Variants in MARS1 observed in about 807,000 individuals in gnomAD.
MARS1 encodes the protein methionyl-tRNA synthetase 1, also known as methionine--tRNA ligase, cytoplasmic.
Under a neutral mutation model 119.5 loss-of-function variants are expected in MARS1, and 80 were observed. The observed-to-expected ratio is 0.67, with a 90% CI of 0.56 to 0.81. The LOEUF (loss-of-function observed/expected upper bound fraction) is 0.81. Among genes scored for constraint, MARS1 ranks in the 30% least tolerant of loss-of-function variants. The pLI is 0.00. For synonymous variants in MARS1, 418 were observed against 433.4 expected (o/e 0.96, Z 0.44); for missense variants, 945 against 1,116.5 (o/e 0.85, Z 2.19).
intron 15 of MARS1, among the ~76,000 whole-genome samples, chr12:57,513,416 C>T (rs980990129): frequency 2.6e-5 from 4 of 151,762 alleles, no homozygotes; most frequent in African/African-American, 7.3e-5. Context: ...GCCGGGAGTT[C>T]AAGACTTGCC....
intron 7 of MARS1, among the ~76,000 whole-genome samples, chr12:57,495,149 G>A (rs1358523866): frequency 6.8e-6 from 1 of 146,660 alleles, no homozygotes; most frequent in Non-Finnish European, 1.5e-5. Context: ...CCCACCTCCC[G>A]GATGGGGTGG....
intron 7 of MARS1, among the ~76,000 whole-genome samples, chr12:57,494,042 G>A (rs1876446277): frequency 7.2e-6 from 1 of 139,606 alleles, no homozygotes; most frequent in Admixed American, 8.0e-5. Flanking sequence ...TGTAACCTCC[G>A]CCTCCCAGGT....
Position 57,514,754 on chromosome 12 carries a change from T to C in MARS1, c.2002T>C (p.Tyr668His), listed in dbSNP as rs760355231. ...GTTTGTGTCTAAGTTCTTTGGGGGC[T>C]ATGTGCCTGAGATGGTGCTCACCCC... ...GMFVSKFFGG[Y>H]VPEMVLTPDD... Residue 668 changes from tyrosine (Y) to histidine (H), a missense_variant, in exon 16 of 21, where the codon TAT becomes CAT. Physicochemically the swap from Tyr to His is moderately conservative, Grantham distance 83 (BLOSUM62 2). Coordinates refer to ENST00000262027, the MANE Select transcript of MARS1 (RefSeq NM_004990.4). The C allele has an allele frequency of 6.2e-7, 1 of 1,614,226 alleles. No homozygotes were observed. The highest frequency in any genetic ancestry group is 2.2e-5 in the East Asian group (1 of 44,888).
chr12:57,509,200 G>A (rs764743825), intron 11 of MARS1, among the ~76,000 whole-genome samples: 1 of 152,046 alleles, frequency 6.6e-6, no homozygotes, highest in Non-Finnish European at 1.5e-5. Flanking sequence ...CTCCCATCAT[G>A]TTTTAAACAC....
intron 10 of MARS1, among the ~76,000 whole-genome samples, chr12:57,502,484 ATCAC>A (rs1018734598): frequency 6.6e-6 from 1 of 152,044 alleles, no homozygotes; most frequent in Non-Finnish European, 1.5e-5. Context: ...AGGCGGCCGG[ATCAC>A]CTGAGGTCAG....
Position 57,491,928 on chromosome 12 carries a change from G to A in MARS1, c.770+1284G>A, listed in dbSNP as rs538803943. On this transcript the variant is annotated intron_variant, in intron 7 of 20. Transcript: ENST00000262027. ...GATCTCCGCTGTCATGGGACTTTCT[G>A]TCTGGTAGGATAGACAGGTATTTTA... 2.6e-5 allele frequency among the ~76,000 whole-genome samples: 4 copies of A among 152,312 alleles called. No homozygotes were observed. The East Asian group carries it at 7.7e-4, about 29-fold the overall frequency.
chr12:57,502,723 G>GA (rs1876981580), intron 10 of MARS1, among the ~76,000 whole-genome samples: 1 of 87,760 alleles, frequency 1.1e-5, no homozygotes, highest in Admixed American at 1.2e-4. Flanking sequence ...AAAAAAAAAA[G>GA]CAACAACAAC....
chr12:57,496,034 A>G (rs1876611121), intron 7 of MARS1, among the ~76,000 whole-genome samples: 1 of 152,026 alleles, frequency 6.6e-6, no homozygotes, highest in Non-Finnish European at 1.5e-5. Context: ...AGAGGGAGCA[A>G]TTTTTTGTAT....
chr12:57,488,333 A>G (rs563527011), intron 1 of MARS1, 134 bp downstream of exon 1: 4 of 827,840 alleles, frequency 4.8e-6, no homozygotes, highest in African/African-American at 3.4e-5. Context: ...ATTATCCTTG[A>G]TCACTCCACG....
At chr12:57,493,828 A>G (rs1319389420) in intron 7 of MARS1, among the ~76,000 whole-genome samples, 4 of 1,270 alleles carry the variant, frequency 3.1e-3, no homozygotes, top group African/African-American at 4.0e-3. Context: ...TATATATTAT[A>G]TTATATATTA....
chr12:57,495,782 C>G (rs1377451069), intron 7 of MARS1, among the ~76,000 whole-genome samples: 1 of 152,326 alleles, frequency 6.6e-6, no homozygotes, highest in Non-Finnish European at 1.5e-5. Context: ...GCAGATCACT[C>G]GCGGTCAGGA....
In MARS1 at chr12:57,488,868, C is replaced by A. The variant is rs768561219; in HGVS notation, c.110-151C>A. ...CTCTCCAGCCCATTCCGGACCACCC[C>A]CTTTCAGTGGTCCTATCCTGGAACT... On this transcript the variant is annotated intron_variant, in intron 1 of 20. Coordinates refer to ENST00000262027, the MANE Select transcript of MARS1 (RefSeq NM_004990.4). 488 of 768,890 alleles carry A rather than the reference C, an allele frequency of 6.3e-4. 6 individuals are homozygous for A. The highest frequency in any genetic ancestry group is 3.5e-3 in the Admixed American group (137 of 39,574). 47.6% of individuals were successfully genotyped at this position (768,890 alleles called of 1,614,324 possible). A position where few individuals can be genotyped will look rare whatever the true frequency, so the allele number is the denominator to read the frequency against.
In MARS1 at chr12:57,507,837, G is replaced by A. The variant is rs558543343; in HGVS notation, c.1368+3538G>A. On this transcript the variant is annotated intron_variant, in intron 11 of 20. Transcript: ENST00000262027. ...CTCCCTCCCGGACGGGGTGGCTGCC[G>A]GGCGGAGACGCTCCTCACTTCCCAG... Among the ~76,000 whole-genome samples the A allele has an allele frequency of 5.0e-3, 749 of 149,740 alleles. 6 individuals carry two copies. Among genetic ancestry groups the A allele is most frequent in the South Asian group, 0.018 (87 of 4,722 alleles).
intron 7 of MARS1, among the ~76,000 whole-genome samples, chr12:57,496,558 C>G (rs1373201575): frequency 6.6e-6 from 1 of 152,094 alleles, no homozygotes; most frequent in Non-Finnish European, 1.5e-5. Context: ...GCGGGAGGAT[C>G]ACTTGAGCCC....
intron 7 of MARS1, among the ~76,000 whole-genome samples, chr12:57,494,659 CCG>C (rs1364580136): frequency 6.6e-6 from 1 of 151,902 alleles, no homozygotes; most frequent in African/African-American, 2.4e-5. Context: ...CTGCAGCCTT[CCG>C]CAGTGTTTGT....
At chr12:57,505,259 T>A (rs1877129156) in intron 11 of MARS1, among the ~76,000 whole-genome samples, 1 of 151,904 alleles carries the variant, frequency 6.6e-6, no homozygotes, top group Admixed American at 6.6e-5. Context: ...CCTCCCAGGT[T>A]CAAGCGATTC....
At chr12:57,494,349 A>G (rs1195781483) in intron 7 of MARS1, among the ~76,000 whole-genome samples, 1 of 120,732 alleles carries the variant, frequency 8.3e-6, no homozygotes, top group Non-Finnish European at 1.6e-5. Context: ...TTTTTTTGAG[A>G]TGGAGTCTCA....
At position 57,512,295 on chromosome 12, in the gene MARS1, T is replaced by A; in HGVS notation, c.1695T>A (p.Pro565=). 6.2e-7 allele frequency: 1 copy of A among 1,614,130 alleles called. No homozygotes were observed. Among genetic ancestry groups the A allele is most frequent in the Non-Finnish European group, 8.5e-7 (1 of 1,180,034 alleles). The change falls in exon 14 of 21, where the codon CCT becomes CCA. Residue 565 remains proline, a synonymous_variant. Transcript: ENST00000262027. The stretch of plus-strand genomic sequence containing the variant: ...TTCCTTTCCATAGCTTAGTCTTTCC[T>A]TGCTCAGCCCTAGGAGCTGAGGATA... ...DNVPFHSLVF[P]CSALGAEDNY... is the part of the protein sequence containing the mutation.
intron 18 of MARS1, among the ~76,000 whole-genome samples, 171 bp from the exon 19 acceptor site, chr12:57,515,749 G>A (rs948102559): frequency 3.3e-5 from 5 of 152,202 alleles, no homozygotes; most frequent in African/African-American, 1.2e-4. Flanking sequence ...ATTATTTGGG[G>A]TTTCACAGGG....
Sources: gnomAD v4.1 joint callset for allele counts (sites outside exome capture counted in the v4.1 genomes callset) on GRCh38, gnomAD v4.1.1 for gene constraint, MANE v1.5 for transcripts, NCBI Gene and HGNC (gene_info 2026-07-23, HGNC 2026-07-21) for gene names.